The following RUSC1 variants were observed in gnomAD, a reference collection of about 807,000 sequenced individuals.
RUSC1 encodes the protein AP-4 complex accessory subunit RUSC1.
A neutral mutation model predicts 72.1 loss-of-function variants in RUSC1; 40 were observed. That is an observed-to-expected ratio of 0.55 (90% CI 0.43 to 0.72). The LOEUF (loss-of-function observed/expected upper bound fraction) is 0.72. Among genes scored for constraint, RUSC1 ranks in the 30% least tolerant of loss-of-function variants. The pLI is 0.00. For synonymous variants in RUSC1, 512 were observed against 494.2 expected (o/e 1.04, Z -0.48); for missense variants, 1,092 against 1,172.3 (o/e 0.93, Z 1.00).
chr1:155,326,837 CG>C lies in RUSC1; in HGVS notation c.2124del (p.Thr709LeufsTer25). ...TGGGGGCCGGCTGGCCCAGAGCCTT[CG>C]GGGGACTTCCAAGGAAGCTGCTTCA... ...HFGGRLAQSL[R>X]GTSKEAASDP... is the part of the protein sequence containing the mutation. On this transcript the variant is annotated frameshift_variant, in exon 8 of 10. Coordinates refer to ENST00000368352, the MANE Select transcript of RUSC1 (RefSeq NM_001105203.2). LOFTEE classifies it high-confidence loss of function. This position sits in a 1 kb window ranked among gnomAD's most constrained non-coding sequence, Gnocchi z 4.7. The C allele has an allele frequency of 6.2e-7, 1 of 1,613,604 alleles. No individual in the cohort carries two copies.
At position 155,321,419 on chromosome 1, in the gene RUSC1, C is replaced by G. The variant is rs373431172; in HGVS notation, c.-86-269C>G. 4 of 1,401,700 alleles carry G rather than the reference C, an allele frequency of 2.9e-6. No homozygotes were observed. In the African/African-American group the frequency reaches 5.8e-5, roughly 20 times the overall value. The allele number at this position is 1,401,700 out of a possible 1,614,324, so 86.8% of individuals were successfully genotyped here. ...CTGGAGGTCCATTCTGGGCCCGGAC[C>G]TCTTCCAGGCCCCCGCCCCCCTTCG... is the stretch of plus-strand genomic sequence containing the variant. On this transcript the variant is annotated intron_variant, in intron 1 of 9. Transcript: ENST00000368352.
chr1:155,328,794 T>A (rs1651698841), intron 9 of RUSC1, among the ~76,000 whole-genome samples: 1 of 152,078 alleles, frequency 6.6e-6, no homozygotes, highest in East Asian at 1.9e-4. Flanking sequence ...AGACCGGGGT[T>A]TCACCATGTT....
At position 155,325,468 on chromosome 1, in the gene RUSC1, G is replaced by C. The variant is rs376973898; in HGVS notation, c.1686G>C (p.Val562=). 9 of 1,593,874 alleles carry C rather than the reference G, an allele frequency of 5.6e-6. No individual in the cohort carries two copies. The highest frequency in any genetic ancestry group is 1.3e-5 in the African/African-American group (1 of 74,618). ...TGQRRSSPWS[V]VEASVKPGSS... is the part of the protein sequence containing the mutation. ...AGCGCAGGAGCAGCCCCTGGAGCGT[G>C]GTGGAGGCGTCGGTGAAGCCAGGTG... The change falls in exon 5 of 10, where the codon GTG becomes GTC. Residue 562 remains valine, a synonymous_variant. Transcript: ENST00000368352. This position sits in a 1 kb window ranked among gnomAD's most constrained non-coding sequence, Gnocchi z 6.5.
In RUSC1 at chr1:155,322,835, C is replaced by G. The variant is rs531593135; in HGVS notation, c.1062C>G (p.Pro354=). 5.0e-6 allele frequency: 8 copies of G among 1,613,318 alleles called. No individual in the cohort carries two copies. The highest frequency in any genetic ancestry group is 1.1e-5 in the South Asian group (1 of 91,076). ...TCTCGCCCGACACCGAGCTCCCCCC[C>G]TCGGGGTCGCCGGGCGGCTCCTCGG... ...IVFSPDTELP[P]SGSPGGSSAP... Residue 354 remains proline, a synonymous_variant, in exon 2 of 10, where the codon CCC becomes CCG. Transcript: ENST00000368352.
chr1:155,330,782 A>G lies in RUSC1; in HGVS notation c.*211A>G, dbSNP rs553819236. On this transcript the variant is annotated 3_prime_UTR_variant, in exon 10 of 10. Transcript: ENST00000368352. Reference sequence around the variant, plus strand: ...CTTCTTCCAAATATATAAAAAAGGAATTGCCCTCCAGGTAATCCCTTTCCT... The same window carrying G: ...CTTCTTCCAAATATATAAAAAAGGAGTTGCCCTCCAGGTAATCCCTTTCCT... 3.8e-5 allele frequency: 19 copies of G among 497,524 alleles called. No individual in the cohort carries two copies. The highest frequency in any genetic ancestry group is 3.8e-4 in the African/African-American group (19 of 50,416). The allele number at this position is 497,524 out of a possible 1,614,324, so 30.8% of individuals were successfully genotyped here. A position where few individuals can be genotyped will look rare whatever the true frequency, so the allele number is the denominator to read the frequency against.
intron 2 of RUSC1, 135 bp downstream of exon 2, chr1:155,323,265 G>A (rs1570890761): frequency 9.8e-7 from 1 of 1,016,692 alleles, no homozygotes; most frequent in Non-Finnish European, 1.3e-6. Flanking sequence ...GGAGCGCTCC[G>A]GGAAAGGGAA....
intron 9 of RUSC1, 104 bp downstream of exon 9, chr1:155,328,379 C>A: frequency 8.2e-7 from 1 of 1,215,930 alleles, no homozygotes; most frequent in Non-Finnish European, 1.1e-6. Flanking sequence ...TAAGACCGTG[C>A]TTAGTGTGCA....
At position 155,330,692 on chromosome 1, in the gene RUSC1, C is replaced by A; in HGVS notation, c.*121C>A. The A allele has an allele frequency of 1.0e-6, 1 of 963,210 alleles. No individual in the cohort carries two copies. The highest frequency in any genetic ancestry group is 1.5e-6 in the Non-Finnish European group (1 of 671,852). The allele number at this position is 963,210 out of a possible 1,614,324, so 59.7% of individuals were successfully genotyped here. A position where few individuals can be genotyped will look rare whatever the true frequency, so the allele number is the denominator to read the frequency against. On this transcript the variant is annotated 3_prime_UTR_variant, in exon 10 of 10. Coordinates refer to ENST00000368352, the MANE Select transcript of RUSC1 (RefSeq NM_001105203.2). ...ATGACGTTTCTTCCCACGTCTGTTT[C>A]TGCTAATATTTAAAATAAACTTTCC...
intron 9 of RUSC1, among the ~76,000 whole-genome samples, chr1:155,329,244 C>A (rs1324529180): frequency 6.6e-6 from 1 of 151,138 alleles, no homozygotes; most frequent in African/African-American, 2.4e-5. Context: ...TGCCACCATG[C>A]CTGGCTAATT....
At chr1:155,324,360 C>T (rs1651000723) in intron 2 of RUSC1, 3 of 1,607,428 alleles carry the variant, frequency 1.9e-6, no homozygotes, top group African/African-American at 1.3e-5. Context: ...CCTCCCAATC[C>T]TCGGGTCTCG....
In RUSC1 at chr1:155,330,412, G is replaced by A; in HGVS notation, c.2550G>A (p.Arg850=). 6.2e-7 allele frequency: 1 copy of A among 1,612,642 alleles called. No individual in the cohort carries two copies. The highest frequency in any genetic ancestry group is 8.5e-7 in the Non-Finnish European group (1 of 1,180,022). ...PRMVQTHRAV[R]ALCDHTAARP... ...CTCTGGCTCCCCTCAGGGCAGTGCG[G>A]GCTCTCTGTGATCACACTGCTGCAA... is the stretch of plus-strand genomic sequence containing the variant. Residue 850 remains arginine, a synonymous_variant, in exon 10 of 10, where the codon CGG becomes CGA. Coordinates refer to ENST00000368352, the MANE Select transcript of RUSC1 (RefSeq NM_001105203.2).
intron 9 of RUSC1, among the ~76,000 whole-genome samples, chr1:155,328,669 G>A (rs1024016245): frequency 4.0e-5 from 6 of 151,736 alleles, no homozygotes; most frequent in South Asian, 2.1e-4. Context: ...GCATGATCTC[G>A]GCTCACTGCA....
Position 155,322,514 on chromosome 1 carries a change from A to G in RUSC1, c.741A>G (p.Lys247=). The change falls in exon 2 of 10, where the codon AAA becomes AAG. Residue 247 remains lysine, a synonymous_variant. Transcript: ENST00000368352. ...CAGAGAAAACTAAAGCTGAATGGAA[A>G]ACCACTGAAAACAATAACACTGGTT... The part of the protein sequence containing the change: ...IDTEKTKAEW[K]TTENNNTGWK... 6.2e-7 allele frequency: 1 copy of G among 1,613,220 alleles called. No individual in the cohort carries two copies. Among genetic ancestry groups the G allele is most frequent in the Non-Finnish European group, 8.5e-7 (1 of 1,179,340 alleles).
chr1:155,325,998 C>A lies in RUSC1; in HGVS notation c.1861+88C>A. The stretch of plus-strand genomic sequence containing the variant: ...CTCTCCTGCTGGTTCCCACTGCTGC[C>A]AGAATGCCATTAATCCAGATCTCCG... On this transcript the variant is annotated intron_variant, in intron 7 of 9. Transcript: ENST00000368352. This position sits in a 1 kb window ranked among gnomAD's most constrained non-coding sequence, Gnocchi z 6.5. 1 of 1,330,532 alleles carries A rather than the reference C, an allele frequency of 7.5e-7. No individual in the cohort carries two copies. Among genetic ancestry groups the A allele is most frequent in the South Asian group, 1.2e-5 (1 of 85,166 alleles). 82.4% of individuals were successfully genotyped at this position (1,330,532 alleles called of 1,614,324 possible). A position where few individuals can be genotyped will look rare whatever the true frequency, so the allele number is the denominator to read the frequency against.
At position 155,326,782 on chromosome 1, in the gene RUSC1, G is replaced by A. The variant is rs1460573468; in HGVS notation, c.2064G>A (p.Leu688=). The A allele has an allele frequency of 1.2e-6, 2 of 1,612,874 alleles. No individual in the cohort carries two copies. The highest frequency in any genetic ancestry group is 1.7e-5 in the Admixed American group (1 of 60,018). The change falls in exon 8 of 10, where the codon CTG becomes CTA. Residue 688 remains leucine, a synonymous_variant. Coordinates refer to ENST00000368352, the MANE Select transcript of RUSC1 (RefSeq NM_001105203.2). The surrounding 1 kb of genome is among the most constrained non-coding windows in gnomAD (Gnocchi z 4.7). The part of the protein sequence containing the change: ...APAPPGPPPA[L]QQTMQAMLHF... ...CCCCTCCAGGCCCACCTCCAGCTCTGCAGCAGACTATGCAAGCCATGCTGC... is the reference window on the plus strand; with the variant it reads ...CCCCTCCAGGCCCACCTCCAGCTCTACAGCAGACTATGCAAGCCATGCTGC...
At chr1:155,328,018 C>G in intron 8 of RUSC1, 132 bp from the exon 9 acceptor site, 1 of 1,179,374 alleles carries the variant, frequency 8.5e-7, no homozygotes, top group Non-Finnish European at 1.2e-6. Context: ...ACACTCTGCC[C>G]TCAGCAGTGA....
intron 2 of RUSC1, chr1:155,323,892 C>CT: frequency 1.0e-6 from 1 of 986,768 alleles, no homozygotes; most frequent in Non-Finnish European, 1.2e-6. Flanking sequence ...CCCGTTTTCG[C>CT]TTTTTTTCCG....
chr1:155,329,684 G>C (rs565604937), intron 9 of RUSC1, among the ~76,000 whole-genome samples: 3 of 151,546 alleles, frequency 2.0e-5, no homozygotes, highest in Non-Finnish European at 2.9e-5. Flanking sequence ...GAGCCACCAC[G>C]CCTGGCCTAA....
Position 155,322,713 on chromosome 1 carries a change from A to G in RUSC1, c.940A>G (p.Thr314Ala). ...SEEPVPHRTI[T>A]SFHELAQKRK... The stretch of plus-strand genomic sequence containing the variant: ...GGAGCCGGTGCCCCACCGGACAATC[A>G]CGTCCTTCCACGAGCTGGCCCAGAA... Residue 314 changes from threonine to alanine, a missense_variant, in exon 2 of 10, where the codon ACG becomes GCG. Thr to Ala is a moderately conservative substitution (Grantham distance 58, BLOSUM62 0). Transcript: ENST00000368352. The G allele has an allele frequency of 6.2e-7, 1 of 1,614,218 alleles. No individual in the cohort carries two copies. Among genetic ancestry groups the G allele is most frequent in the South Asian group, 1.1e-5 (1 of 91,088 alleles).
Sources: gnomAD v4.1 joint callset for allele counts (sites outside exome capture counted in the v4.1 genomes callset) on GRCh38, gnomAD v4.1.1 for gene constraint, Gnocchi (gnomAD v3.1) non-coding constraint, MANE v1.5 for transcripts, NCBI Gene and HGNC (gene_info 2026-07-23, HGNC 2026-07-21) for gene names.